GLIS3: variants seen among roughly 807,000 people sequenced by gnomAD.
GLIS3 encodes GLIS family zinc finger 3, also known as zinc finger protein GLIS3.
In GLIS3, 53 loss-of-function variants were observed where a neutral mutation model predicts 78.6. That is an observed-to-expected ratio of 0.67 (90% CI 0.54 to 0.85). The LOEUF (loss-of-function observed/expected upper bound fraction) is 0.85, where lower values mean the gene tolerates loss of function less well. Among genes scored for constraint, GLIS3 ranks in the 40% least tolerant of loss-of-function variants. GLIS3 has a pLI of 0.00. For missense variants in GLIS3, 1,703 were observed against 1,231.1 expected (o/e 1.38, Z -5.74); for synonymous variants, 684 against 509.9 (o/e 1.34, Z -4.60).
the GLIS3 span, among the ~76,000 whole-genome samples, chr9:4,420,476 G>C: frequency 6.6e-6 from 1 of 152,194 alleles, no homozygotes; most frequent in Admixed American, 6.5e-5. Flanking sequence ...TCCAAGGAAA[G>C]TATAATTAGT....
chr9:3,850,546 T>G (rs1353838403), intron 9 of GLIS3, among the ~76,000 whole-genome samples: 1 of 152,242 alleles, frequency 6.6e-6, no homozygotes, highest in Admixed American at 6.5e-5. Context: ...TGTTGTGGTG[T>G]TCTGTACATG....
At chr9:4,289,701 T>C (rs1828287729) in intron 1 of GLIS3, among the ~76,000 whole-genome samples, 1 of 152,124 alleles carries the variant, frequency 6.6e-6, no homozygotes, top group African/African-American at 2.4e-5. Flanking sequence ...GCAAGGAACA[T>C]CCAGAGGTAT....
At chr9:4,249,398 T>G (rs925384458) in intron 2 of GLIS3, among the ~76,000 whole-genome samples, 3 of 152,212 alleles carry the variant, frequency 2.0e-5, no homozygotes, top group Non-Finnish European at 4.4e-5. Context: ...TGAATGGAAG[T>G]TAACTCATGA....
the GLIS3 span, among the ~76,000 whole-genome samples, chr9:4,418,095 G>A: frequency 1.3e-5 from 2 of 152,138 alleles, no homozygotes; most frequent in African/African-American, 2.4e-5. Context: ...CTGCCTAATT[G>A]AGAAACACTG....
At chr9:4,468,687 A>C in the GLIS3 span, among the ~76,000 whole-genome samples, 8 of 152,244 alleles carry the variant, frequency 5.3e-5, no homozygotes, top group African/African-American at 1.2e-4. Context: ...AAAACATGCC[A>C]ATTTGTAAAG....
chr9:3,865,360 T>C (rs938501774), intron 8 of GLIS3, among the ~76,000 whole-genome samples: 1 of 152,188 alleles, frequency 6.6e-6, no homozygotes, highest in Non-Finnish European at 1.5e-5. Context: ...GATTTCTAGA[T>C]CGCGCCTTTA....
intron 4 of GLIS3, among the ~76,000 whole-genome samples, chr9:4,110,303 A>C (rs1041377369): frequency 5.9e-5 from 9 of 152,122 alleles, no homozygotes; most frequent in Admixed American, 4.6e-4. Context: ...GTATATGCTC[A>C]CCCTAATTGT....
rs534210517 is a variant in GLIS3 at position 4,172,315 on chromosome 9, G to A, written c.389-46374C>T. On this transcript the variant is annotated intron_variant, in intron 2 of 10. Transcript: ENST00000381971. ...CCTTACCTACAACTCCATTCCTAAA[G>A]GGAAGCAGGGCACCAACACAGGTAT... is the stretch of plus-strand genomic sequence containing the variant. Among the ~76,000 whole-genome samples, 4 of 152,242 alleles carry A rather than the reference G, an allele frequency of 2.6e-5. No homozygotes were observed. In the South Asian group the frequency reaches 6.2e-4, roughly 24 times the overall value.
intron 9 of GLIS3, among the ~76,000 whole-genome samples, chr9:3,836,206 G>A (rs1212351135): frequency 6.6e-6 from 1 of 152,212 alleles, no homozygotes; most frequent in Non-Finnish European, 1.5e-5. Flanking sequence ...GTTTGTGCCT[G>A]GGTAGAAGAA....
the GLIS3 span, among the ~76,000 whole-genome samples, chr9:4,424,340 G>A: frequency 6.6e-6 from 1 of 152,076 alleles, no homozygotes; most frequent in African/African-American, 2.4e-5. Flanking sequence ...CAGTTAGAAG[G>A]AACACCTTTT....
At chr9:4,066,116 A>T (rs1462510931) in intron 4 of GLIS3, among the ~76,000 whole-genome samples, 3 of 152,024 alleles carry the variant, frequency 2.0e-5, no homozygotes, top group Non-Finnish European at 2.9e-5. Context: ...ATGTCAAGCC[A>T]TTTCTATTTA....
At chr9:4,051,775 A>C (rs1563988635) in intron 4 of GLIS3, among the ~76,000 whole-genome samples, 1 of 152,230 alleles carries the variant, frequency 6.6e-6, no homozygotes, top group Non-Finnish European at 1.5e-5. Flanking sequence ...CAGATGGATG[A>C]CACACCAAAC....
chr9:4,206,962 T>C (rs1819935223), intron 2 of GLIS3, among the ~76,000 whole-genome samples: 1 of 152,146 alleles, frequency 6.6e-6, no homozygotes, highest in Non-Finnish European at 1.5e-5. Context: ...ATTTGGACAT[T>C]CGTACTCACT....
chr9:4,138,393 G>C (rs886320833), intron 2 of GLIS3, among the ~76,000 whole-genome samples: 1 of 152,102 alleles, frequency 6.6e-6, no homozygotes, highest in African/African-American at 2.4e-5. Flanking sequence ...GGAAACAATT[G>C]GCAAACACCT....
At chr9:4,410,132 G>A in the GLIS3 span, among the ~76,000 whole-genome samples, 7 of 150,956 alleles carry the variant, frequency 4.6e-5, no homozygotes, top group Admixed American at 6.6e-5. Context: ...CACCATGCCC[G>A]GCTATTTTTT....
chr9:4,412,785 A>G, the GLIS3 span, among the ~76,000 whole-genome samples: 1 of 152,192 alleles, frequency 6.6e-6, no homozygotes, highest in Non-Finnish European at 1.5e-5. Context: ...GAGAATGGTC[A>G]AAAATGAATG....
chr9:4,017,134 C>T (rs1298946635), intron 4 of GLIS3, among the ~76,000 whole-genome samples: 2 of 152,184 alleles, frequency 1.3e-5, no homozygotes, highest in African/African-American at 4.8e-5. Context: ...CTTCCCACCA[C>T]ACTGCCACCC....
chr9:4,376,550 G>T, the GLIS3 span, among the ~76,000 whole-genome samples: 6 of 134,752 alleles, frequency 4.5e-5, 1 homozygote, highest in South Asian at 8.6e-4. Context: ...CCTGACTTTT[G>T]TAAGTCATTA....
chr9:4,093,359 G>GC (rs1313656661), intron 4 of GLIS3, among the ~76,000 whole-genome samples: 3 of 152,118 alleles, frequency 2.0e-5, no homozygotes, highest in Non-Finnish European at 4.4e-5. Context: ...ACTGAGTAAG[G>GC]CCCCCTCTTG....
Sources: gnomAD v4.1 joint callset for allele counts (sites outside exome capture counted in the v4.1 genomes callset) on GRCh38, gnomAD v4.1.1 for gene constraint, MANE v1.5 for transcripts, NCBI Gene and HGNC (gene_info 2026-07-23, HGNC 2026-07-21) for gene names.